The following INSYN2B variants were observed in gnomAD, a reference collection of about 807,000 sequenced individuals.
The protein encoded by INSYN2B is protein INSYN2B.
A neutral mutation model predicts 41.2 loss-of-function variants in INSYN2B; 16 were observed. That is an observed-to-expected ratio of 0.39 (90% CI 0.26 to 0.59). The LOEUF (loss-of-function observed/expected upper bound fraction) is 0.59, where lower values mean the gene tolerates loss of function less well. Ranked by LOEUF, INSYN2B falls within the 20% of genes least tolerant of loss-of-function variation. INSYN2B has a pLI of 0.57. For missense variants in INSYN2B, 608 were observed against 646.4 expected (o/e 0.94, Z 0.64); for synonymous variants, 245 against 244.4 (o/e 1.00, Z -0.02).
intron 1 of INSYN2B, among the ~76,000 whole-genome samples, chr5:169,952,418 T>C (rs1776699120): frequency 6.6e-6 from 1 of 152,052 alleles, no homozygotes; most frequent in Non-Finnish European, 1.5e-5. Flanking sequence ...GGCTCCCCTT[T>C]AAGTAAAGGA....
At chr5:169,905,166 A>G (rs1581393397) in intron 1 of INSYN2B, among the ~76,000 whole-genome samples, 1 of 152,270 alleles carries the variant, frequency 6.6e-6, no homozygotes, top group Admixed American at 6.5e-5. Flanking sequence ...CTTCAGGGTG[A>G]CACAAGTGGG....
chr5:169,915,937 TAAG>T (rs1203018807), intron 1 of INSYN2B, among the ~76,000 whole-genome samples: 1 of 152,194 alleles, frequency 6.6e-6, no homozygotes, highest in Non-Finnish European at 1.5e-5. Flanking sequence ...ATCCTACTCT[TAAG>T]AAACGTTATG....
intron 1 of INSYN2B, among the ~76,000 whole-genome samples, chr5:169,893,707 A>G (rs1358421823): frequency 1.3e-5 from 2 of 152,192 alleles, no homozygotes; most frequent in African/African-American, 4.8e-5. Context: ...GAAAAAAACA[A>G]CAGGAAGCCA....
At chr5:169,869,532 G>A (rs1364731642) in intron 3 of INSYN2B, among the ~76,000 whole-genome samples, 1 of 152,144 alleles carries the variant, frequency 6.6e-6, no homozygotes, top group African/African-American at 2.4e-5. Context: ...GGGAGGAGAG[G>A]GAGTATATTT....
chr5:169,918,053 A>G (rs766995135), intron 1 of INSYN2B, among the ~76,000 whole-genome samples: 2 of 152,200 alleles, frequency 1.3e-5, no homozygotes, highest in African/African-American at 4.8e-5. Context: ...ATTAGCATAA[A>G]CTTCTGATAT....
intron 1 of INSYN2B, among the ~76,000 whole-genome samples, chr5:169,930,213 A>G (rs1196541261): frequency 6.6e-6 from 1 of 152,112 alleles, no homozygotes; most frequent in Non-Finnish European, 1.5e-5. Context: ...GATGGTCTCA[A>G]TCTCCTGACC....
At chr5:169,902,723 C>T (rs1161072222) in intron 1 of INSYN2B, among the ~76,000 whole-genome samples, 1 of 152,136 alleles carries the variant, frequency 6.6e-6, no homozygotes, top group African/African-American at 2.4e-5. Context: ...CCTTAATCTG[C>T]AGAAAATGGG....
chr5:169,878,751 T>C (rs1581344385), intron 3 of INSYN2B, among the ~76,000 whole-genome samples: 1 of 152,214 alleles, frequency 6.6e-6, no homozygotes, highest in Admixed American at 6.5e-5. Flanking sequence ...CTAGGATTAA[T>C]GCTAAGGAGA....
chr5:169,960,972 T>C (rs1777063603), intron 1 of INSYN2B, among the ~76,000 whole-genome samples: 1 of 152,152 alleles, frequency 6.6e-6, no homozygotes, highest in African/African-American at 2.4e-5. Flanking sequence ...GTTCATAGTA[T>C]ATATAGGTTC....
intron 1 of INSYN2B, among the ~76,000 whole-genome samples, chr5:169,898,179 C>T (rs978833234): frequency 2.0e-5 from 3 of 152,202 alleles, no homozygotes; most frequent in Non-Finnish European, 2.9e-5. Flanking sequence ...ACTGAGGCTG[C>T]ATGAACAAGT....
intron 3 of INSYN2B, among the ~76,000 whole-genome samples, chr5:169,866,324 A>G (rs1426156720): frequency 6.6e-6 from 1 of 152,186 alleles, no homozygotes; most frequent in Non-Finnish European, 1.5e-5. Context: ...TGGATGAAAC[A>G]TAGGCTGTGG....
intron 1 of INSYN2B, among the ~76,000 whole-genome samples, chr5:169,919,570 C>T (rs1775061337): frequency 6.6e-6 from 1 of 152,212 alleles, no homozygotes; most frequent in Non-Finnish European, 1.5e-5. Context: ...GGACATTAAA[C>T]TGATCATTAA....
At chr5:169,971,647 C>T (rs1190626662) in intron 1 of INSYN2B, among the ~76,000 whole-genome samples, 5 of 152,248 alleles carry the variant, frequency 3.3e-5, no homozygotes, top group African/African-American at 9.6e-5. Flanking sequence ...AATAGTACTC[C>T]CTTTATAGAA....
chr5:169,974,803 C>T (rs571615038), intron 1 of INSYN2B, among the ~76,000 whole-genome samples: 7 of 152,192 alleles, frequency 4.6e-5, no homozygotes, highest in Non-Finnish European at 1.0e-4. Context: ...TGTTTCTGAA[C>T]CTGTTCTTTT....
intron 1 of INSYN2B, among the ~76,000 whole-genome samples, chr5:169,965,338 G>A (rs1224557981): frequency 6.6e-6 from 1 of 152,144 alleles, no homozygotes; most frequent in African/African-American, 2.4e-5. Flanking sequence ...TAATGCTGCT[G>A]GTCCACAGGC....
chr5:169,933,027 G>A (rs773369733), intron 1 of INSYN2B, among the ~76,000 whole-genome samples: 10 of 152,126 alleles, frequency 6.6e-5, no homozygotes, highest in African/African-American at 1.7e-4. Context: ...TGGTTTCTCC[G>A]GCAGGTATTG....
chr5:169,881,511 A>G, intron 2 of INSYN2B, 69 bp from the exon 3 acceptor site: 1 of 1,242,010 alleles, frequency 8.1e-7, no homozygotes, highest in Non-Finnish European at 1.2e-6. Context: ...CATTCAACCT[A>G]CTTGTCCCTT....
At chr5:169,960,911 A>G (rs1777059435) in intron 1 of INSYN2B, among the ~76,000 whole-genome samples, 2 of 152,238 alleles carry the variant, frequency 1.3e-5, no homozygotes, top group Non-Finnish European at 2.9e-5. Context: ...GGAAAAAATC[A>G]TAGTATATAT....
intron 3 of INSYN2B, among the ~76,000 whole-genome samples, chr5:169,871,319 G>A (rs1771955912): frequency 6.6e-6 from 1 of 152,054 alleles, no homozygotes; most frequent in Non-Finnish European, 1.5e-5. Context: ...CTAAGGAGAA[G>A]AAACAAAAAG....
Sources: allele counts gnomAD v4.1 joint callset (sites outside exome capture counted in the v4.1 genomes callset), GRCh38; gene constraint gnomAD v4.1.1; transcripts MANE v1.5; gene names NCBI Gene and HGNC (gene_info 2026-07-23, HGNC 2026-07-21).